SGCZ: variants seen among roughly 807,000 people sequenced by gnomAD.
SGCZ encodes the protein sarcoglycan zeta.
SGCZ carries 40 observed loss-of-function variants against 41.3 expected under a neutral mutation model. The ratio of observed to expected loss-of-function variants is 0.97; its 90% CI spans 0.75 to 1.26. The LOEUF (loss-of-function observed/expected upper bound fraction) is 1.26, where lower values mean the gene tolerates loss of function less well. SGCZ is among the 50% of genes most tolerant of loss of function. The pLI is 0.00. For synonymous variants in SGCZ, 206 were observed against 137.5 expected, an observed-to-expected ratio of 1.50 and a Z score of -3.49; for missense variants, 552 against 369.8, an observed-to-expected ratio of 1.49 and a Z score of -4.04.
At chr8:14,485,953 T>C (rs936198451) in intron 2 of SGCZ, among the ~76,000 whole-genome samples, 2 of 150,358 alleles carry the variant, frequency 1.3e-5, no homozygotes, top group African/African-American at 4.9e-5. Context: ...GCCATTCTCC[T>C]GCCTCAGCCT....
intron 2 of SGCZ, among the ~76,000 whole-genome samples, chr8:14,484,098 G>C (rs114197262): frequency 1.3e-5 from 2 of 152,220 alleles, no homozygotes; most frequent in African/African-American, 2.4e-5. Flanking sequence ...TTTCTCTAAA[G>C]ATTGAAACAA....
At chr8:15,139,921 C>T (rs190624271) in intron 1 of SGCZ, among the ~76,000 whole-genome samples, 18 of 152,286 alleles carry the variant, frequency 1.2e-4, no homozygotes, top group Admixed American at 1.2e-3. Flanking sequence ...TTACTTTATA[C>T]CTGATTCTAT....
intron 1 of SGCZ, among the ~76,000 whole-genome samples, chr8:15,207,441 A>T (rs7841105): frequency 0.054 from 8,288 of 152,216 alleles, 258 homozygotes; most frequent in South Asian, 0.074. Context: ...GAAAGAGACA[A>T]AAGAATAATC....
At chr8:14,558,921 A>C (rs749042569) in intron 1 of SGCZ, among the ~76,000 whole-genome samples, 1 of 152,076 alleles carries the variant, frequency 6.6e-6, no homozygotes, top group Non-Finnish European at 1.5e-5. Flanking sequence ...CATCTGACAA[A>C]ATTAGCATCC....
At chr8:14,144,820 G>A (rs1162733531) in intron 5 of SGCZ, among the ~76,000 whole-genome samples, 1 of 152,088 alleles carries the variant, frequency 6.6e-6, no homozygotes, top group Non-Finnish European at 1.5e-5. Context: ...TGGGCCTTAA[G>A]GGAATATCAG....
chr8:14,695,022 C>A (rs1182234460), intron 1 of SGCZ, among the ~76,000 whole-genome samples: 2 of 152,112 alleles, frequency 1.3e-5, no homozygotes, highest in Non-Finnish European at 1.5e-5. Context: ...GATAAAAGAG[C>A]AGAGACTTGC....
chr8:15,095,335 G>C lies in SGCZ; in HGVS notation c.39+142250C>G, dbSNP rs184071015. Among the ~76,000 whole-genome samples the C allele has an allele frequency of 3.5e-3, 540 of 152,250 alleles. 2 individuals carry two copies. The highest frequency in any genetic ancestry group is 6.8e-3 in the Middle Eastern group (2 of 294). On this transcript the variant is annotated intron_variant, in intron 1 of 7. Transcript: ENST00000382080. ...GCTGATCTCAAATTCCTGACCTCAA[G>C]TGATGCGCCTGCCTCGGCCTCCCAA...
chr8:14,296,820 T>C (rs1313858975), intron 3 of SGCZ, among the ~76,000 whole-genome samples: 1 of 152,158 alleles, frequency 6.6e-6, no homozygotes, highest in Non-Finnish European at 1.5e-5. Flanking sequence ...TAAAAATACG[T>C]ATCAAAATAA....
intron 4 of SGCZ, among the ~76,000 whole-genome samples, chr8:14,218,622 C>G (rs1806082814): frequency 6.6e-6 from 1 of 152,120 alleles, no homozygotes; most frequent in African/African-American, 2.4e-5. Flanking sequence ...ATGTGCATTT[C>G]TCACTTTATT....
intron 1 of SGCZ, among the ~76,000 whole-genome samples, chr8:14,689,617 T>G (rs1443990566): frequency 6.6e-6 from 1 of 152,220 alleles, no homozygotes; most frequent in Non-Finnish European, 1.5e-5. Context: ...AAAGTACACC[T>G]CCTTACCAGT....
At chr8:14,607,545 T>C (rs1805791101) in intron 1 of SGCZ, among the ~76,000 whole-genome samples, 2 of 152,124 alleles carry the variant, frequency 1.3e-5, no homozygotes, top group African/African-American at 4.8e-5. Flanking sequence ...GCAGGAAAAT[T>C]TGGCAGCAGC....
chr8:14,276,561 C>T lies in SGCZ; in HGVS notation c.337-38882G>A, dbSNP rs143370119. On this transcript the variant is annotated intron_variant, in intron 3 of 7. Transcript: ENST00000382080. ...ATCTTTTTTATCACTGGACTCTGCTCTCTCCATGTTTCCTATATCCACTGG... is the reference window on the plus strand; with the variant it reads ...ATCTTTTTTATCACTGGACTCTGCTTTCTCCATGTTTCCTATATCCACTGG... Among the ~76,000 whole-genome samples, 344 of 152,280 alleles carry T rather than the reference C, an allele frequency of 2.3e-3. 3 individuals carry two copies. Among genetic ancestry groups the T allele is most frequent in the Non-Finnish European group, 3.9e-3 (265 of 68,024 alleles).
chr8:14,673,811 T>A (rs1272450506), intron 1 of SGCZ, among the ~76,000 whole-genome samples: 1 of 152,180 alleles, frequency 6.6e-6, no homozygotes, highest in Non-Finnish European at 1.5e-5. Context: ...TGCTACTCAA[T>A]TATTCTAGGC....
At position 14,542,478 on chromosome 8, in the gene SGCZ, C is replaced by T. The variant is rs183878299; in HGVS notation, c.234+12254G>A. Among the ~76,000 whole-genome samples the T allele has an allele frequency of 4.6e-5, 7 of 152,150 alleles. No homozygotes were observed. In the East Asian group the frequency reaches 1.4e-3, roughly 29 times the overall value. The stretch of plus-strand genomic sequence containing the variant: ...AACAAAAGGAAACCTTACAGAGACA[C>T]TTTAACTAAATTTTCTATCCTGTAC... On this transcript the variant is annotated intron_variant, in intron 2 of 7. Coordinates refer to ENST00000382080, the MANE Select transcript of SGCZ (RefSeq NM_139167.4).
intron 1 of SGCZ, among the ~76,000 whole-genome samples, chr8:14,694,528 A>C (rs192283163): frequency 1.4e-3 from 216 of 152,286 alleles, no homozygotes; most frequent in African/African-American, 5.1e-3. Flanking sequence ...CAGAGTAAAA[A>C]TTTGATCCTA....
At chr8:15,225,543 A>G (rs956181523) in intron 1 of SGCZ, among the ~76,000 whole-genome samples, 11 of 152,306 alleles carry the variant, frequency 7.2e-5, no homozygotes, top group African/African-American at 2.4e-4. Context: ...GAAAAGTACA[A>G]AAGAGGGTAC....
At chr8:14,702,868 GA>G (rs1563213164) in intron 1 of SGCZ, among the ~76,000 whole-genome samples, 1 of 135,744 alleles carries the variant, frequency 7.4e-6, no homozygotes, top group Admixed American at 7.6e-5. Context: ...TAGATAGATA[GA>G]TAGATAGATA....
chr8:14,734,685 C>T (rs533938021), intron 1 of SGCZ, among the ~76,000 whole-genome samples: 1 of 152,100 alleles, frequency 6.6e-6, no homozygotes, highest in African/African-American at 2.4e-5. Flanking sequence ...ACCACCCTCT[C>T]CAAGCTTCCT....
intron 1 of SGCZ, among the ~76,000 whole-genome samples, chr8:14,785,263 A>T (rs1800733129): frequency 6.6e-6 from 1 of 151,962 alleles, no homozygotes; most frequent in African/African-American, 2.4e-5. Context: ...ATCCAATAAA[A>T]GTTATTTCAA....
Sources: gnomAD v4.1 joint callset for allele counts (sites outside exome capture counted in the v4.1 genomes callset) on GRCh38, gnomAD v4.1.1 for gene constraint, MANE v1.5 for transcripts, NCBI Gene and HGNC (gene_info 2026-07-23, HGNC 2026-07-21) for gene names.